The following MAGI2 variants were observed in gnomAD, a reference collection of about 807,000 sequenced individuals.
MAGI2 encodes membrane associated guanylate kinase, WW and PDZ domain containing 2, also known as membrane-associated guanylate kinase, WW and PDZ domain-containing protein 2.
A neutral mutation model predicts 133.3 loss-of-function variants in MAGI2; 35 were observed. The ratio of observed to expected loss-of-function variants is 0.26; its 90% CI spans 0.20 to 0.35. MAGI2 has a LOEUF of 0.35. Among genes scored for constraint, MAGI2 ranks in the 10% least tolerant of loss-of-function variants. The pLI, the probability that MAGI2 is intolerant of heterozygous loss-of-function variation, is 1.00. For missense variants in MAGI2, 1,636 were observed against 1,863.4 expected, an observed-to-expected ratio of 0.88 and a Z score of 2.25; for synonymous variants, 729 against 710.6, an observed-to-expected ratio of 1.03 and a Z score of -0.41.
intron 1 of MAGI2, among the ~76,000 whole-genome samples, chr7:79,260,671 A>T (rs189875493): frequency 3.3e-5 from 5 of 152,296 alleles, no homozygotes; most frequent in Admixed American, 3.3e-4. Context: ...GTTGCAGTCA[A>T]AACACTGTCA....
chr7:78,272,573 C>G (rs1234511585), intron 9 of MAGI2, among the ~76,000 whole-genome samples: 2 of 152,142 alleles, frequency 1.3e-5, no homozygotes, highest in African/African-American at 4.8e-5. Flanking sequence ...GTGTGAGAGT[C>G]TAAGTCTCTT....
intron 1 of MAGI2, among the ~76,000 whole-genome samples, chr7:79,200,631 A>G (rs1828526211): frequency 6.6e-6 from 1 of 151,376 alleles, no homozygotes; most frequent in Non-Finnish European, 1.5e-5. Context: ...AAAAGTTTAT[A>G]TCTATTGATA....
At chr7:78,189,206 T>C (rs1827983033) in intron 12 of MAGI2, among the ~76,000 whole-genome samples, 1 of 152,088 alleles carries the variant, frequency 6.6e-6, no homozygotes, top group Non-Finnish European at 1.5e-5. Context: ...AATTCAATAA[T>C]CAAAGAACAA....
intron 2 of MAGI2, among the ~76,000 whole-genome samples, chr7:78,827,446 T>G (rs1032927592): frequency 8.3e-6 from 1 of 120,948 alleles, no homozygotes; most frequent in Non-Finnish European, 1.9e-5. Flanking sequence ...TCCATGTTAA[T>G]TTTGAATTTT....
At chr7:78,707,798 A>G (rs141240742) in intron 2 of MAGI2, among the ~76,000 whole-genome samples, 213 of 152,238 alleles carry the variant, frequency 1.4e-3, no homozygotes, top group African/African-American at 4.9e-3. Context: ...CTATTTGGCA[A>G]AAACATTCTC....
intron 2 of MAGI2, among the ~76,000 whole-genome samples, chr7:78,787,251 C>T (rs1826912092): frequency 6.6e-6 from 1 of 152,154 alleles, no homozygotes; most frequent in African/African-American, 2.4e-5. Context: ...TGGCCTCGAA[C>T]TGTTTCTAAC....
chr7:78,478,643 T>C (rs1027027221), intron 6 of MAGI2, among the ~76,000 whole-genome samples: 1 of 151,872 alleles, frequency 6.6e-6, no homozygotes, highest in Non-Finnish European at 1.5e-5. Context: ...GACCCAATTT[T>C]CCCATTTCCT....
intron 21 of MAGI2, among the ~76,000 whole-genome samples, chr7:78,033,360 C>A (rs986949493): frequency 1.3e-5 from 2 of 151,492 alleles, no homozygotes; most frequent in Admixed American, 1.3e-4. Flanking sequence ...GTAGTCCCAG[C>A]TACTTGGGAG....
At chr7:78,164,399 C>T (rs1395194608) in intron 15 of MAGI2, among the ~76,000 whole-genome samples, 1 of 152,170 alleles carries the variant, frequency 6.6e-6, no homozygotes, top group Non-Finnish European at 1.5e-5. Context: ...TGTACCAGGT[C>T]CCTCATGGTC....
At chr7:78,700,762 T>C (rs909360747) in intron 2 of MAGI2, among the ~76,000 whole-genome samples, 30 of 151,964 alleles carry the variant, frequency 2.0e-4, no homozygotes, top group Non-Finnish European at 2.7e-4. Context: ...TAAAGTCATA[T>C]CACCAAATTG....
At chr7:79,337,455 TAAAG>T (rs1418329160) in intron 1 of MAGI2, among the ~76,000 whole-genome samples, 1 of 152,098 alleles carries the variant, frequency 6.6e-6, no homozygotes, top group Non-Finnish European at 1.5e-5. Flanking sequence ...TATATGAAGA[TAAAG>T]AAAATTGCAA....
chr7:79,435,030 A>C (rs2129190314), intron 1 of MAGI2, among the ~76,000 whole-genome samples: 1 of 152,298 alleles, frequency 6.6e-6, no homozygotes, highest in South Asian at 2.1e-4. Flanking sequence ...CTGGCTTTCA[A>C]GCTTCCTGGC....
intron 1 of MAGI2, among the ~76,000 whole-genome samples, chr7:79,217,782 A>T (rs1830133204): frequency 6.6e-6 from 1 of 152,022 alleles, no homozygotes; most frequent in Non-Finnish European, 1.5e-5. Flanking sequence ...CAGAGGGTAC[A>T]CTAGGAATTA....
chr7:78,646,442 G>A (rs1470792199), intron 2 of MAGI2, among the ~76,000 whole-genome samples: 1 of 152,130 alleles, frequency 6.6e-6, no homozygotes, highest in Non-Finnish European at 1.5e-5. Context: ...ATGTATATAT[G>A]TGTATAATAT....
Position 78,599,123 on chromosome 7 carries a change from A to G in MAGI2, c.538+27997T>C, listed in dbSNP as rs578009855. The stretch of plus-strand genomic sequence containing the variant: ...CTAGAATGTGACCTTGTATTTTGGC[A>G]CCACTAAAATCTGTTCAAGTAAAAA... On this transcript the variant is annotated intron_variant, in intron 3 of 21. Transcript: ENST00000354212. Among the ~76,000 whole-genome samples, 31 of 152,294 alleles carry G rather than the reference A, an allele frequency of 2.0e-4. No homozygotes were observed. The East Asian group carries it at 5.0e-3, about 25-fold the overall frequency.
chr7:78,597,833 C>A (rs1167921551), intron 3 of MAGI2, among the ~76,000 whole-genome samples: 1 of 148,806 alleles, frequency 6.7e-6, no homozygotes, highest in African/African-American at 2.5e-5. Context: ...CCGATATTTC[C>A]AGAATCTTTG....
chr7:78,846,994 T>C (rs908080229), intron 2 of MAGI2, among the ~76,000 whole-genome samples: 2 of 151,988 alleles, frequency 1.3e-5, no homozygotes, highest in African/African-American at 4.8e-5. Flanking sequence ...TCTTAATGAT[T>C]CTCACTTTAG....
intron 1 of MAGI2, among the ~76,000 whole-genome samples, chr7:79,019,767 A>G (rs1809101744): frequency 6.6e-6 from 1 of 151,676 alleles, no homozygotes; most frequent in Middle Eastern, 3.4e-3. Flanking sequence ...CTTGTCTCGA[A>G]CTCCTGACCT....
chr7:79,378,479 T>G (rs1171661530), intron 1 of MAGI2, among the ~76,000 whole-genome samples: 1 of 151,538 alleles, frequency 6.6e-6, no homozygotes, highest in African/African-American at 2.4e-5. Flanking sequence ...CCTGTATGAC[T>G]ACAGGAAGAA....
Sources: gnomAD v4.1 joint callset for allele counts (sites outside exome capture counted in the v4.1 genomes callset) on GRCh38, gnomAD v4.1.1 for gene constraint, MANE v1.5 for transcripts, NCBI Gene and HGNC (gene_info 2026-07-23, HGNC 2026-07-21) for gene names.